The following EYS variants were observed in gnomAD, a reference collection of about 807,000 sequenced individuals.
The protein encoded by EYS is protein eyes shut homolog.
In EYS, 250 loss-of-function variants were observed where a neutral mutation model predicts 282.1. That is an observed-to-expected ratio of 0.89 (90% confidence interval 0.80 to 0.98). EYS has a LOEUF of 0.98. Ranked by LOEUF, EYS falls within the 50% of genes least tolerant of loss-of-function variation. EYS has a pLI of 0.00. For synonymous variants in EYS, 1,355 were observed against 1,282.9 expected, an observed-to-expected ratio of 1.06 and a Z score of -1.20; for missense variants, 4,016 against 3,709.0, an observed-to-expected ratio of 1.08 and a Z score of -2.15.
At chr6:63,979,013 T>C (rs1486603469) in intron 35 of EYS, among the ~76,000 whole-genome samples, 1 of 151,960 alleles carries the variant, frequency 6.6e-6, no homozygotes, top group African/African-American at 2.4e-5. Context: ...CATACCCTGT[T>C]TGAAGCTTGC....
chr6:64,139,968 A>AATAG (rs1437632802), intron 31 of EYS, among the ~76,000 whole-genome samples: 21 of 43,736 alleles, frequency 4.8e-4, no homozygotes, highest in Non-Finnish European at 8.1e-4. Context: ...ATTCTGTCTC[A>AATAG]ATAAATAAAT....
chr6:65,321,198 G>C (rs544236289), intron 11 of EYS, among the ~76,000 whole-genome samples: 12 of 148,230 alleles, frequency 8.1e-5, no homozygotes, highest in African/African-American at 3.0e-4. Context: ...GGATTAACAT[G>C]ATTTAAAATG....
chr6:65,161,944 C>T (rs1764860508), intron 12 of EYS, among the ~76,000 whole-genome samples: 1 of 151,112 alleles, frequency 6.6e-6, no homozygotes, highest in Non-Finnish European at 1.5e-5. Context: ...CTCACATGGT[C>T]CATAACCTCA....
chr6:64,481,018 T>A lies in EYS; in HGVS notation c.5645-41666A>T, dbSNP rs574024389. ...CCTTGATGTCTATTATCCTTTACTC[T>A]TTTCACAATTATAGTTTTTGAAAAA... On this transcript the variant is annotated intron_variant, in intron 26 of 42. Coordinates refer to ENST00000503581, the MANE Select transcript of EYS (RefSeq NM_001142800.2). 2.2e-4 allele frequency among the ~76,000 whole-genome samples: 33 copies of A among 151,726 alleles called. No individual in the cohort carries two copies. The South Asian group carries it at 6.2e-3, about 29-fold the overall frequency.
At chr6:65,549,701 A>G (rs982837761) in intron 2 of EYS, among the ~76,000 whole-genome samples, 1 of 152,250 alleles carries the variant, frequency 6.6e-6, no homozygotes, top group Admixed American at 6.5e-5. Flanking sequence ...GTCTGCTGGG[A>G]TAACATATGA....
chr6:65,357,690 T>G (rs184936890), intron 8 of EYS, among the ~76,000 whole-genome samples: 80 of 152,116 alleles, frequency 5.3e-4, no homozygotes, highest in African/African-American at 1.9e-3. Context: ...ACCAGGAGTC[T>G]GCAAAGTATT....
At chr6:64,475,137 C>G (rs1776221835) in intron 26 of EYS, among the ~76,000 whole-genome samples, 1 of 152,210 alleles carries the variant, frequency 6.6e-6, no homozygotes, top group African/African-American at 2.4e-5. Flanking sequence ...GTTCTTATAA[C>G]TCTTTCCCAA....
At chr6:64,138,786 G>T (rs972677344) in intron 31 of EYS, among the ~76,000 whole-genome samples, 1 of 152,196 alleles carries the variant, frequency 6.6e-6, no homozygotes, top group African/African-American at 2.4e-5. Context: ...CAAATGAGAG[G>T]TTGACTGCTT....
At chr6:65,225,270 G>A (rs1766590421) in intron 12 of EYS, among the ~76,000 whole-genome samples, 1 of 149,598 alleles carries the variant, frequency 6.7e-6, no homozygotes, top group South Asian at 2.1e-4. Context: ...TAATTATAAT[G>A]TATTGAAAAT....
chr6:64,837,010 G>T (rs1345887789), intron 19 of EYS, among the ~76,000 whole-genome samples: 1 of 151,500 alleles, frequency 6.6e-6, no homozygotes, highest in Non-Finnish European at 1.5e-5. Context: ...TGGCATGGGG[G>T]ATTTCCAGAA....
intron 31 of EYS, among the ~76,000 whole-genome samples, chr6:64,206,323 G>T (rs1765606923): frequency 6.6e-6 from 1 of 152,038 alleles, no homozygotes; most frequent in South Asian, 2.1e-4. Context: ...AGACATTTTT[G>T]TGAAAAAATA....
chr6:64,036,150 G>A (rs764277164), intron 33 of EYS, among the ~76,000 whole-genome samples: 1 of 152,158 alleles, frequency 6.6e-6, no homozygotes, highest in Non-Finnish European at 1.5e-5. Context: ...AGCTGGAGAA[G>A]TATTTGTTGC....
chr6:63,929,825 CT>C (rs757124518), intron 35 of EYS, among the ~76,000 whole-genome samples: 4 of 152,078 alleles, frequency 2.6e-5, no homozygotes, highest in Non-Finnish European at 5.9e-5. Flanking sequence ...TATGATTTTA[CT>C]TTTTCTTGAT....
chr6:65,393,258 C>T (rs1302632689), intron 7 of EYS, among the ~76,000 whole-genome samples: 2 of 152,064 alleles, frequency 1.3e-5, no homozygotes, highest in Non-Finnish European at 2.9e-5. Flanking sequence ...ACCAGCATGG[C>T]ACATGTATAC....
intron 13 of EYS, among the ~76,000 whole-genome samples, chr6:65,051,010 C>T (rs1463475648): frequency 6.6e-6 from 1 of 151,536 alleles, no homozygotes; most frequent in Non-Finnish European, 1.5e-5. Context: ...CATTTAGAGA[C>T]ATGTGTCTTT....
At chr6:64,521,378 G>T (rs962488597) in intron 26 of EYS, among the ~76,000 whole-genome samples, 9 of 151,854 alleles carry the variant, frequency 5.9e-5, no homozygotes, top group African/African-American at 2.2e-4. Context: ...AGCTTGCCCA[G>T]AAGTCACTGG....
intron 33 of EYS, among the ~76,000 whole-genome samples, chr6:64,025,677 C>T (rs553863952): frequency 1.3e-5 from 2 of 152,274 alleles, no homozygotes; most frequent in Non-Finnish European, 2.9e-5. Flanking sequence ...AGGATCCCTC[C>T]TCAGACTAAC....
chr6:63,936,940 T>A (rs1327327327), intron 35 of EYS, among the ~76,000 whole-genome samples: 1 of 152,162 alleles, frequency 6.6e-6, no homozygotes, highest in Non-Finnish European at 1.5e-5. Context: ...CTAGCCGTGG[T>A]GTGATAAGGG....
At chr6:65,581,609 T>G (rs1384653644) in intron 2 of EYS, among the ~76,000 whole-genome samples, 1 of 152,160 alleles carries the variant, frequency 6.6e-6, no homozygotes, top group East Asian at 1.9e-4. Context: ...AATTGCTTTA[T>G]GTAAACTCTA....
Sources: gnomAD v4.1 joint callset for allele counts (sites outside exome capture counted in the v4.1 genomes callset) on GRCh38, gnomAD v4.1.1 for gene constraint, MANE v1.5 for transcripts, NCBI Gene and HGNC (gene_info 2026-07-23, HGNC 2026-07-21) for gene names.